The following ERC2 variants were observed in gnomAD, a reference collection of about 807,000 sequenced individuals.
ERC2 encodes ERC protein 2.
In ERC2, 42 loss-of-function variants were observed where a neutral mutation model predicts 114.8. The observed-to-expected ratio is 0.37, with a 90% CI of 0.29 to 0.47. The LOEUF is 0.47. ERC2 is among the 20% of genes least tolerant of loss of function. The pLI, the probability that ERC2 is intolerant of heterozygous loss-of-function variation, is 0.99. For synonymous variants in ERC2, 454 were observed against 425.5 expected (o/e 1.07, Z -0.82); for missense variants, 939 against 1,150.7 (o/e 0.82, Z 2.66).
chr3:55,939,312 G>A (rs1425374916), intron 13 of ERC2, among the ~76,000 whole-genome samples: 1 of 152,204 alleles, frequency 6.6e-6, no homozygotes, highest in South Asian at 2.1e-4. Flanking sequence ...GTTATCATCA[G>A]TAAGAATTGC....
intron 14 of ERC2, among the ~76,000 whole-genome samples, chr3:55,832,449 C>T (rs1456314967): frequency 2.6e-5 from 4 of 152,182 alleles, no homozygotes; most frequent in East Asian, 3.9e-4. Flanking sequence ...TCACGGTTCA[C>T]GAAAATCCGC....
chr3:55,889,857 C>T (rs1156806881), intron 13 of ERC2, among the ~76,000 whole-genome samples: 1 of 152,198 alleles, frequency 6.6e-6, no homozygotes, highest in African/African-American at 2.4e-5. Context: ...ACTTTCTACA[C>T]AATTTCTTCA....
chr3:56,395,924 G>A (rs1324971158), intron 2 of ERC2, among the ~76,000 whole-genome samples: 2 of 152,124 alleles, frequency 1.3e-5, no homozygotes, highest in Non-Finnish European at 1.5e-5. Context: ...CCCTTTTTAC[G>A]TGAACAGACG....
intron 3 of ERC2, among the ~76,000 whole-genome samples, chr3:56,255,158 T>C (rs942493812): frequency 2.0e-5 from 3 of 152,236 alleles, no homozygotes; most frequent in Non-Finnish European, 4.4e-5. Context: ...CCTTTCTCCA[T>C]CTTTTCATCT....
chr3:56,170,201 T>C (rs2082557350), intron 4 of ERC2, among the ~76,000 whole-genome samples: 1 of 152,232 alleles, frequency 6.6e-6, no homozygotes, highest in South Asian at 2.1e-4. Context: ...AATAACTTTA[T>C]TCACTTTGCT....
chr3:55,545,968 G>C (rs1284433375), intron 17 of ERC2, among the ~76,000 whole-genome samples: 2 of 152,162 alleles, frequency 1.3e-5, no homozygotes, highest in Non-Finnish European at 2.9e-5. Context: ...GCGCATACAG[G>C]GTTACTCAGT....
intron 14 of ERC2, among the ~76,000 whole-genome samples, chr3:55,783,212 G>A (rs951297767): frequency 6.6e-6 from 1 of 152,234 alleles, no homozygotes; most frequent in African/African-American, 2.4e-5. Flanking sequence ...TGGAGGAAGT[G>A]TGCACAGTAC....
intron 17 of ERC2, among the ~76,000 whole-genome samples, chr3:55,593,483 A>G (rs971536259): frequency 6.6e-6 from 1 of 152,110 alleles, no homozygotes; most frequent in African/African-American, 2.4e-5. Flanking sequence ...TTCCTCTCCA[A>G]TTTCAGATGG....
intron 14 of ERC2, among the ~76,000 whole-genome samples, chr3:55,849,431 C>T (rs1346459834): frequency 6.6e-6 from 1 of 152,222 alleles, no homozygotes; most frequent in East Asian, 1.9e-4. Context: ...GCTTCTATCA[C>T]CCCAAGAACG....
At chr3:56,076,815 T>C (rs2076998062) in intron 7 of ERC2, among the ~76,000 whole-genome samples, 1 of 152,162 alleles carries the variant, frequency 6.6e-6, no homozygotes, top group South Asian at 2.1e-4. Context: ...CATGCCTGTC[T>C]ACATGGCTTA....
intron 17 of ERC2, among the ~76,000 whole-genome samples, chr3:55,514,136 C>T (rs1460545976): frequency 6.6e-6 from 1 of 152,174 alleles, no homozygotes; most frequent in Non-Finnish European, 1.5e-5. Context: ...GTGGCACATG[C>T]CTGTAATCCT....
chr3:56,346,447 T>C (rs2058311422), intron 2 of ERC2, among the ~76,000 whole-genome samples: 1 of 152,162 alleles, frequency 6.6e-6, no homozygotes, highest in African/African-American at 2.4e-5. Context: ...TATGTTGCTA[T>C]GAAGGAATAC....
At chr3:56,076,659 A>C (rs1042351246) in intron 7 of ERC2, among the ~76,000 whole-genome samples, 2 of 152,164 alleles carry the variant, frequency 1.3e-5, no homozygotes, top group African/African-American at 4.8e-5. Flanking sequence ...TACAGCCAAA[A>C]GTATGTTAGT....
chr3:55,557,221 G>A (rs978732006), intron 17 of ERC2, among the ~76,000 whole-genome samples: 3 of 152,188 alleles, frequency 2.0e-5, no homozygotes, highest in Non-Finnish European at 4.4e-5. Context: ...AGAATTTGGG[G>A]TGGAAAGTGG....
chr3:55,560,449 T>G (rs1054700714), intron 17 of ERC2, among the ~76,000 whole-genome samples: 1 of 152,172 alleles, frequency 6.6e-6, no homozygotes. Context: ...TAAGCTGCCA[T>G]GTAAGAAATT....
intron 13 of ERC2, among the ~76,000 whole-genome samples, chr3:55,949,168 G>C (rs1002748590): frequency 1.3e-5 from 2 of 152,114 alleles, no homozygotes; most frequent in Admixed American, 6.5e-5. Context: ...ACGAGATGGA[G>C]ACCATCCTGG....
rs546287723 is a variant in ERC2, at chr3:56,397,611, C to G, written c.657+36740G>C. Among the ~76,000 whole-genome samples, 3 of 152,260 alleles carry G rather than the reference C, an allele frequency of 2.0e-5. No homozygotes were observed. In the South Asian group the frequency reaches 6.2e-4, roughly 32 times the overall value. ...TCTTAAATGCTTTCCAATGTTGCAT[C>G]TTATGGATACACCATAACTTAGCCA... On this transcript the variant is annotated intron_variant, in intron 2 of 17. Coordinates refer to ENST00000288221, the MANE Select transcript of ERC2 (RefSeq NM_015576.3).
chr3:56,082,996 G>A (rs73072514), intron 6 of ERC2, among the ~76,000 whole-genome samples: 6,839 of 152,168 alleles, frequency 0.045, 285 homozygotes, highest in African/African-American at 0.11. Context: ...ACACCTCTTC[G>A]TCTGTGGAAA....
At chr3:55,691,558 AAAAAAAAAAAAAAAAATAT>A (rs1369005485) in intron 16 of ERC2, among the ~76,000 whole-genome samples, 6 of 64,308 alleles carry the variant, frequency 9.3e-5, no homozygotes, top group Non-Finnish European at 1.2e-4. Context: ...AAAAAAAAAA[AAAAAAAAAAAAAAAAATAT>A]ATATATATAT....
Sources: allele counts gnomAD v4.1 joint callset (sites outside exome capture counted in the v4.1 genomes callset), GRCh38; gene constraint gnomAD v4.1.1; transcripts MANE v1.5; gene names NCBI Gene and HGNC (gene_info 2026-07-23, HGNC 2026-07-21).